NR3C2: variants seen among roughly 807,000 people sequenced by gnomAD.
The protein encoded by NR3C2 is mineralocorticoid receptor.
In NR3C2, 15 loss-of-function variants were observed where a neutral mutation model predicts 86.4. That is an observed-to-expected ratio of 0.17 (90% confidence interval 0.12 to 0.27). The LOEUF is 0.27. Ranked by LOEUF, NR3C2 falls within the 10% of genes least tolerant of loss-of-function variation. NR3C2 has a pLI of 1.00. For synonymous variants in NR3C2, 458 were observed against 450.5 expected (o/e 1.02, Z -0.21); for missense variants, 960 against 1,195.6 (o/e 0.80, Z 2.91).
In NR3C2 at chr4:148,120,293, A is replaced by C. The variant is rs1171368507; in HGVS notation, c.2511-5T>G. ...GCAGACTGATGCATCTTCTCTCTGCAAAGGAAAAGAAGAAAATGTCTGAGA... is the reference window on the plus strand; with the variant it reads ...GCAGACTGATGCATCTTCTCTCTGCCAAGGAAAAGAAGAAAATGTCTGAGA... On this transcript the variant is annotated splice_polypyrimidine_tract_variant and splice_region_variant and intron_variant, in intron 6 of 8. Transcript: ENST00000358102. 3.1e-6 allele frequency: 5 copies of C among 1,614,052 alleles called. No individual in the cohort carries two copies. The highest frequency in any genetic ancestry group is 3.4e-6 in the Non-Finnish European group (4 of 1,179,930).
intron 4 of NR3C2, among the ~76,000 whole-genome samples, chr4:148,166,912 G>C (rs1284566131): frequency 6.6e-6 from 1 of 151,988 alleles, no homozygotes; most frequent in African/African-American, 2.4e-5. Flanking sequence ...TTTGGGGGGA[G>C]ACTGGGGGCT....
chr4:148,408,607 A>T (rs1337829482), intron 2 of NR3C2, among the ~76,000 whole-genome samples: 1 of 152,216 alleles, frequency 6.6e-6, no homozygotes, highest in Non-Finnish European at 1.5e-5. Context: ...TTTACAAAAA[A>T]TGCTGAACCA....
At chr4:148,141,531 G>C (rs979541865) in intron 6 of NR3C2, among the ~76,000 whole-genome samples, 2 of 152,012 alleles carry the variant, frequency 1.3e-5, no homozygotes, top group Non-Finnish European at 2.9e-5. Context: ...GGTATTTACA[G>C]TATATCTGGA....
chr4:148,260,075 T>G lies in NR3C2; in HGVS notation c.1800A>C (p.Ser600=). Residue 600 remains serine, a synonymous_variant, in exon 3 of 9, where the codon TCA becomes TCC. Transcript: ENST00000358102. The part of the protein sequence containing the change: ...RSVSTGSSRP[S]KICLVCGDEA... ...CATCCCCACACACCAAACATATTTT[T>G]GAAGGTCTTGAAGATCCAGTAGAAA... 6.2e-7 allele frequency: 1 copy of G among 1,614,084 alleles called. No individual in the cohort carries two copies. Among genetic ancestry groups the G allele is most frequent in the Non-Finnish European group, 8.5e-7 (1 of 1,180,010 alleles).
At chr4:148,270,582 C>T (rs1398682976) in intron 2 of NR3C2, among the ~76,000 whole-genome samples, 1 of 152,018 alleles carries the variant, frequency 6.6e-6, no homozygotes, top group Admixed American at 6.6e-5. Context: ...AATTACCACT[C>T]CTCAAAATAT....
At chr4:148,310,198 C>T (rs570570875) in intron 2 of NR3C2, among the ~76,000 whole-genome samples, 4 of 152,246 alleles carry the variant, frequency 2.6e-5, no homozygotes, top group South Asian at 2.1e-4. Context: ...GTATTTTAAT[C>T]GCTCCACTTG....
chr4:148,181,713 G>A (rs531589414), intron 4 of NR3C2, among the ~76,000 whole-genome samples: 1 of 152,288 alleles, frequency 6.6e-6, no homozygotes, highest in East Asian at 1.9e-4. Context: ...GGCAGGCTCA[G>A]CTTAGAGTCA....
At chr4:148,237,967 C>A (rs3846313) in intron 3 of NR3C2, among the ~76,000 whole-genome samples, 1 of 151,960 alleles carries the variant, frequency 6.6e-6, no homozygotes, top group Non-Finnish European at 1.5e-5. Context: ...TTCTGATGAA[C>A]CCAAATGAGA....
chr4:148,278,609 A>C (rs954006055), intron 2 of NR3C2, among the ~76,000 whole-genome samples: 1 of 151,982 alleles, frequency 6.6e-6, no homozygotes, highest in Non-Finnish European at 1.5e-5. Context: ...ACCCATTTTT[A>C]AGTTTTGGAT....
chr4:148,364,460 TGTTCCCGTAGAA>T (rs1457144815), intron 2 of NR3C2, among the ~76,000 whole-genome samples: 2 of 152,232 alleles, frequency 1.3e-5, no homozygotes, highest in Non-Finnish European at 2.9e-5. Flanking sequence ...GGAATTGGCT[TGTTCCCGTAGAA>T]GTTCCCTATA....
At chr4:148,266,105 C>T (rs183241282) in intron 2 of NR3C2, among the ~76,000 whole-genome samples, 7 of 141,116 alleles carry the variant, frequency 5.0e-5, no homozygotes, top group South Asian at 2.3e-4. Context: ...ACAAGAGTCT[C>T]GCTCTGTTGC....
At chr4:148,401,710 T>C (rs1471039941) in intron 2 of NR3C2, among the ~76,000 whole-genome samples, 1 of 151,954 alleles carries the variant, frequency 6.6e-6, no homozygotes, top group Admixed American at 6.6e-5. Context: ...GATTTGCTCA[T>C]CTCTGCCTCC....
chr4:148,279,549 C>G (rs1741132866), intron 2 of NR3C2, among the ~76,000 whole-genome samples: 1 of 152,122 alleles, frequency 6.6e-6, no homozygotes, highest in African/African-American at 2.4e-5. Context: ...TCTTCCATTT[C>G]ACAGTATCAA....
At chr4:148,367,868 C>T (rs1746227353) in intron 2 of NR3C2, among the ~76,000 whole-genome samples, 1 of 149,374 alleles carries the variant, frequency 6.7e-6, no homozygotes, top group African/African-American at 2.5e-5. Context: ...TACATTCTCC[C>T]TTTCAAAAAA....
chr4:148,325,587 T>C (rs910176740), intron 2 of NR3C2, among the ~76,000 whole-genome samples: 9 of 152,342 alleles, frequency 5.9e-5, no homozygotes, highest in African/African-American at 2.2e-4. Flanking sequence ...TTCATACATG[T>C]GATTATCATC....
intron 3 of NR3C2, among the ~76,000 whole-genome samples, chr4:148,199,281 T>C (rs949088287): frequency 1.3e-5 from 2 of 152,054 alleles, no homozygotes; most frequent in South Asian, 2.1e-4. Flanking sequence ...CTTTAGTTTT[T>C]TTCTAAAAGC....
At chr4:148,172,749 C>A (rs946174995) in intron 4 of NR3C2, among the ~76,000 whole-genome samples, 10 of 152,134 alleles carry the variant, frequency 6.6e-5, no homozygotes, top group African/African-American at 2.4e-4. Flanking sequence ...CAATTCTGTT[C>A]TTGTAAGTTC....
At chr4:148,150,259 T>C (rs1309997548) in intron 6 of NR3C2, among the ~76,000 whole-genome samples, 1 of 152,238 alleles carries the variant, frequency 6.6e-6, no homozygotes, top group African/African-American at 2.4e-5. Flanking sequence ...TTTGGGGTAA[T>C]GGTCCTTACA....
chr4:148,188,214 A>G (rs932664040), intron 4 of NR3C2, among the ~76,000 whole-genome samples: 2 of 152,132 alleles, frequency 1.3e-5, no homozygotes, highest in African/African-American at 4.8e-5. Context: ...TTTTAGTTCC[A>G]TATGAATTTC....
Sources: allele counts gnomAD v4.1 joint callset (sites outside exome capture counted in the v4.1 genomes callset), GRCh38; gene constraint gnomAD v4.1.1; transcripts MANE v1.5; gene names NCBI Gene and HGNC (gene_info 2026-07-23, HGNC 2026-07-21).